CAPG: variants seen among roughly 807,000 people sequenced by gnomAD.
The protein encoded by CAPG is macrophage-capping protein.
A neutral mutation model predicts 44.6 loss-of-function variants in CAPG; 32 were observed. The ratio of observed to expected loss-of-function variants is 0.72; its 90% CI spans 0.54 to 0.96. The LOEUF (loss-of-function observed/expected upper bound fraction) is 0.96. Ranked by LOEUF, CAPG falls within the 50% of genes least tolerant of loss-of-function variation. The pLI is 0.00. For missense variants in CAPG, 412 were observed against 438.3 expected (o/e 0.94, Z 0.54); for synonymous variants, 175 against 179.6 (o/e 0.97, Z 0.20).
At chr2:85,410,876 T>C (rs2104854048), upstream of CAPG, among the ~76,000 whole-genome samples, 1 of 151,548 alleles carries the variant, frequency 6.6e-6, no homozygotes, top group Non-Finnish European at 1.5e-5. Flanking sequence ...TTTTTTTTTT[T>C]TTCCTGAGAC....
chr2:85,401,948 T>G lies in CAPG; in HGVS notation c.33A>C (p.Pro11=). MYTAIPQSGS[P]FPGSVQDPGL... is the part of the protein sequence containing the mutation. ...CTGGATCCTGCACTGAGCCTGGGAA[T>G]GGAGAGCCACTGCGAGAAGAGAGAG... Residue 11 remains proline (P), a synonymous_variant, in exon 3 of 10, where the codon CCA becomes CCC. Coordinates refer to ENST00000263867, the MANE Select transcript of CAPG (RefSeq NM_001747.4). 1 of 1,613,890 alleles carries G rather than the reference T, an allele frequency of 6.2e-7. No homozygotes were observed. The highest frequency in any genetic ancestry group is 1.1e-5 in the South Asian group (1 of 91,084).
upstream of CAPG, chr2:85,414,144 C>T (rs1687498372): frequency 6.6e-6 from 1 of 152,290 alleles, no homozygotes; most frequent in Non-Finnish European, 1.5e-5. Flanking sequence ...CCGAAAGGGT[C>T]CTAGAATTGG....
chr2:85,402,134 G>T lies in CAPG; in HGVS notation c.12C>A (p.Ala4=), dbSNP rs1437681375. 1.2e-6 allele frequency: 2 copies of T among 1,607,046 alleles called. No homozygotes were observed. The highest frequency in any genetic ancestry group is 3.4e-5 in the Admixed American group (2 of 59,018). The change falls in exon 2 of 10, where the codon GCC becomes GCA. Residue 4 remains alanine, a synonymous_variant. Coordinates refer to ENST00000263867, the MANE Select transcript of CAPG (RefSeq NM_001747.4). MYT[A]IPQSGSPFPG... ...GGCATGCAGCTTACCTCTGGGGAAT[G>T]GCTGTGTACATGCTGTCTTCAGATC...
chr2:85,401,221 C>T lies in CAPG; in HGVS notation c.460G>A (p.Ala154Thr). The change falls in exon 5 of 10, where the codon GCA becomes ACA. Residue 154 changes from alanine to threonine, a missense_variant. Ala to Thr is a moderately conservative substitution (Grantham distance 58, BLOSUM62 0). Transcript: ENST00000263867. The part of the protein sequence containing the change: ...GKKNIRATER[A>T]LNWDSFNTGD... ...GTGTTGAAGCTGTCCCAGTTCAGTG[C>T]CCGCTCGGTGGCACGGATGTTCTTC... 6.2e-7 allele frequency: 1 copy of T among 1,614,212 alleles called. No homozygotes were observed. The highest frequency in any genetic ancestry group is 8.5e-7 in the Non-Finnish European group (1 of 1,180,042).
chr2:85,417,217 G>A (rs1255193967), intron 1 of CAPG, among the ~76,000 whole-genome samples: 5 of 152,292 alleles, frequency 3.3e-5, no homozygotes, highest in African/African-American at 9.6e-5. Context: ...CTATATGCCA[G>A]GTGCTATCCT....
intron 4 of CAPG, 93 bp downstream of exon 4, chr2:85,401,436 C>A: frequency 6.4e-7 from 1 of 1,574,346 alleles, no homozygotes. Flanking sequence ...GCTCCAAAGG[C>A]ACCCGGGTCT....
chr2:85,393,677 G>A (rs991428342), downstream of CAPG, among the ~76,000 whole-genome samples: 1 of 152,120 alleles, frequency 6.6e-6, no homozygotes, highest in Non-Finnish European at 1.5e-5. Flanking sequence ...CGATTCTCCT[G>A]CCTCAGCCTC....
chr2:85,397,913 G>A, intron 8 of CAPG, 107 bp downstream of exon 8: 1 of 1,161,142 alleles, frequency 8.6e-7, no homozygotes, highest in Non-Finnish European at 1.2e-6. Context: ...CAGGCTTCCT[G>A]AGGCTGTCTT....
upstream of CAPG, among the ~76,000 whole-genome samples, chr2:85,410,881 T>C (rs1169165157): frequency 6.7e-6 from 1 of 150,188 alleles, no homozygotes; most frequent in East Asian, 1.9e-4. Context: ...TTTTTTTTCC[T>C]GAGACAGGGT....
intron 7 of CAPG, 101 bp downstream of exon 7, chr2:85,398,589 T>G: frequency 1.0e-6 from 1 of 969,182 alleles, no homozygotes; most frequent in Non-Finnish European, 1.6e-6. Flanking sequence ...AGCCCCACCT[T>G]CCCCCTGCCT....
intron 5 of CAPG, among the ~76,000 whole-genome samples, chr2:85,400,653 G>C (rs1233761519): frequency 6.6e-6 from 1 of 152,092 alleles, no homozygotes; most frequent in Non-Finnish European, 1.5e-5. Context: ...CCCTCCTATA[G>C]GTCTAGTCCA....
At chr2:85,406,260 A>C (rs1022155694) in intron 1 of CAPG, among the ~76,000 whole-genome samples, 22 of 127,278 alleles carry the variant, frequency 1.7e-4, no homozygotes, top group Admixed American at 1.5e-3. Context: ...TCAAAAAAAA[A>C]AAAAGAAAAG....
upstream of CAPG, among the ~76,000 whole-genome samples, chr2:85,414,431 T>C (rs1573196011): frequency 1.2e-3 from 1 of 828 alleles, no homozygotes; most frequent in Non-Finnish European, 1.7e-3. Context: ...AGAACTAAGA[T>C]TTTTTTTTTT....
Position 85,402,108 on chromosome 2 carries a change from G to C in CAPG, c.23+15C>G. The C allele has an allele frequency of 6.2e-7, 1 of 1,610,142 alleles. No homozygotes were observed. On this transcript the variant is annotated intron_variant, in intron 2 of 9. Transcript: ENST00000263867. The stretch of plus-strand genomic sequence containing the variant: ...GAAGGGGAAGTTGTGAAAGGAGATG[G>C]GGCATGCAGCTTACCTCTGGGGAAT...
At chr2:85,407,766 A>G (rs1439710568) in intron 1 of CAPG, among the ~76,000 whole-genome samples, 2 of 151,382 alleles carry the variant, frequency 1.3e-5, no homozygotes, top group Non-Finnish European at 2.9e-5. Flanking sequence ...GAAAAACCCC[A>G]GTGACTAGCT....
At chr2:85,412,531 CAAT>C (rs1000123860), upstream of CAPG, among the ~76,000 whole-genome samples, 2 of 151,844 alleles carry the variant, frequency 1.3e-5, no homozygotes, top group African/African-American at 4.8e-5. Flanking sequence ...ATAATAATAA[CAAT>C]AATAATAGGG....
chr2:85,401,631 G>A lies in CAPG; in HGVS notation c.249C>T (p.His83=). 6.2e-7 allele frequency: 1 copy of A among 1,614,092 alleles called. No homozygotes were observed. The highest frequency in any genetic ancestry group is 8.5e-7 in the Non-Finnish European group (1 of 1,179,972). ...GCCGCTCTCCCAGCAGCGTGTTGAG[G>A]TGCACAGCCAGCACGGCACAGGCCC... ...EQGACAVLAV[H]LNTLLGERPV... Residue 83 remains histidine, a synonymous_variant, in exon 4 of 10, where the codon CAC becomes CAT. Coordinates refer to ENST00000263867, the MANE Select transcript of CAPG (RefSeq NM_001747.4).
chr2:85,395,710 G>T lies in CAPG; in HGVS notation c.893-84C>A. On this transcript the variant is annotated intron_variant, in intron 8 of 9. Transcript: ENST00000263867. The surrounding 1 kb of genome is among the most constrained non-coding windows in gnomAD (Gnocchi z 4.3). ...ATTTTTCTTGAGGAAATTTAAGGGA[G>T]TCCACAGAAGAGCCAGCAATTTTTA... The T allele has an allele frequency of 1.0e-6, 1 of 953,006 alleles. No individual in the cohort carries two copies. Among genetic ancestry groups the T allele is most frequent in the Non-Finnish European group, 1.6e-6 (1 of 614,998 alleles). 59.0% of individuals were successfully genotyped at this position (953,006 alleles called of 1,614,324 possible).
chr2:85,394,951 A>G lies in CAPG; in HGVS notation c.989T>C (p.Ile330Thr), dbSNP rs1686515745. The G allele has an allele frequency of 6.2e-7, 1 of 1,611,798 alleles. No homozygotes were observed. ...GGGACTCTCATGGCCCTGAGGCAGA[A>G]TCTCCACCTGCAGGGACAGCGGGGG... is the stretch of plus-strand genomic sequence containing the variant. Reference protein sequence around the residue: ...MQYAPNTQVEILPQGHESPIF... With the variant: ...MQYAPNTQVETLPQGHESPIF... Residue 330 changes from isoleucine to threonine, a missense_variant, in exon 10 of 10, where the codon ATT becomes ACT. By Grantham distance (89) the Ile-to-Thr change is moderately conservative. Transcript: ENST00000263867.
Sources: gnomAD v4.1 joint callset for allele counts (sites outside exome capture counted in the v4.1 genomes callset) on GRCh38, gnomAD v4.1.1 for gene constraint, Gnocchi (gnomAD v3.1) non-coding constraint, MANE v1.5 for transcripts, NCBI Gene and HGNC (gene_info 2026-07-23, HGNC 2026-07-21) for gene names.